Variants in DLG1 observed in about 807,000 individuals in gnomAD.
The protein encoded by DLG1 is discs large MAGUK scaffold protein 1.
A neutral mutation model predicts 123.4 loss-of-function variants in DLG1; 42 were observed. The ratio of observed to expected loss-of-function variants is 0.34; its 90% confidence interval spans 0.27 to 0.44. DLG1 has a LOEUF of 0.44. DLG1 is among the 20% of genes least tolerant of loss of function. The pLI is 1.00. For missense variants in DLG1, 942 were observed against 1,082.6 expected (o/e 0.87, Z 1.82); for synonymous variants, 317 against 356.2 (o/e 0.89, Z 1.24).
At chr3:197,108,104 TA>T (rs1767643820) in intron 13 of DLG1, among the ~76,000 whole-genome samples, 1 of 152,234 alleles carries the variant, frequency 6.6e-6, no homozygotes, top group Non-Finnish European at 1.5e-5. Flanking sequence ...GATGGTGTCT[TA>T]CTTTGATTGG....
intron 4 of DLG1, among the ~76,000 whole-genome samples, chr3:197,268,119 G>C (rs546199058): frequency 6.6e-6 from 1 of 152,120 alleles, no homozygotes; most frequent in Non-Finnish European, 1.5e-5. Flanking sequence ...AGGTGAGGAG[G>C]TTTAGGAGCA....
At chr3:197,115,029 AGCAAG>A (rs1204281481) in intron 13 of DLG1, among the ~76,000 whole-genome samples, 1 of 151,360 alleles carries the variant, frequency 6.6e-6, no homozygotes, top group Non-Finnish European at 1.5e-5. Context: ...TTCTATGAAG[AGCAAG>A]ACAGTCCTAT....
intron 13 of DLG1, among the ~76,000 whole-genome samples, chr3:197,105,714 T>C (rs540347884): frequency 3.3e-5 from 5 of 152,150 alleles, no homozygotes; most frequent in Non-Finnish European, 7.4e-5. Context: ...TATATACATA[T>C]ATAGTGCAAG....
chr3:197,153,575 C>T (rs1794973371), intron 5 of DLG1, among the ~76,000 whole-genome samples: 1 of 152,178 alleles, frequency 6.6e-6, no homozygotes, highest in African/African-American at 2.4e-5. Flanking sequence ...GCTGTTCCAC[C>T]TCCTCCTCAT....
chr3:197,061,147 A>G (rs1396496151), intron 22 of DLG1, among the ~76,000 whole-genome samples: 1 of 152,250 alleles, frequency 6.6e-6, no homozygotes, highest in Non-Finnish European at 1.5e-5. Flanking sequence ...CCAAGTCAAT[A>G]CATGATAATT....
At chr3:197,287,037 T>TA (rs1579395410) in intron 3 of DLG1, among the ~76,000 whole-genome samples, 1 of 151,914 alleles carries the variant, frequency 6.6e-6, no homozygotes, top group Non-Finnish European at 1.5e-5. Context: ...CATGCCTGGT[T>TA]AAATTTTTTT....
intron 3 of DLG1, among the ~76,000 whole-genome samples, chr3:197,288,059 A>T (rs1018298426): frequency 6.6e-6 from 1 of 152,088 alleles, no homozygotes; most frequent in Non-Finnish European, 1.5e-5. Context: ...GGAAACCATT[A>T]AAAAAACTAC....
At chr3:197,148,255 A>AAAAAAAAAAAAAC (rs1561041758) in intron 6 of DLG1, among the ~76,000 whole-genome samples, 1 of 143,760 alleles carries the variant, frequency 7.0e-6, no homozygotes, top group African/African-American at 2.6e-5. Context: ...CAAAAAAAAA[A>AAAAAAAAAAAAAC]AAAAAATAGC....
At position 197,150,814 on chromosome 3, in the gene DLG1, A is replaced by G. The variant is rs879286989; in HGVS notation, c.484-1018T>C. On this transcript the variant is annotated intron_variant, in intron 5 of 24. Coordinates refer to ENST00000667157, the MANE Select transcript of DLG1 (RefSeq NM_001366207.1). ...ATTTTCAGCACAGTACCACAGCTAA[A>G]TGATATGACAAAATGCTTAAAGACA... Among the ~76,000 whole-genome samples, 3 of 152,108 alleles carry G rather than the reference A, an allele frequency of 2.0e-5. 1 individual carries two copies. The highest frequency in any genetic ancestry group is 2.0e-4 in the Admixed American group (3 of 15,272).
In DLG1 at chr3:197,143,284, G is replaced by A. The variant is rs141464244; in HGVS notation, c.538-516C>T. On this transcript the variant is annotated intron_variant, in intron 6 of 24. Transcript: ENST00000667157. ...TTTTGTTTTTTTGAGATGGAGTCTC[G>A]CTCTGTTGCCCAGGCTGGAGTGCAG... Among the ~76,000 whole-genome samples, 754 of 134,802 alleles carry A rather than the reference G, an allele frequency of 5.6e-3. 4 individuals are homozygous for A. The highest frequency in any genetic ancestry group is 0.021 in the African/African-American group (730 of 35,506). 88.4% of individuals were successfully genotyped at this position (134,802 alleles called of 152,430 possible). A position where few individuals can be genotyped will look rare whatever the true frequency, so the allele number is the denominator to read the frequency against.
At chr3:197,275,511 C>T (rs529883719) in intron 4 of DLG1, among the ~76,000 whole-genome samples, 2 of 152,120 alleles carry the variant, frequency 1.3e-5, no homozygotes, top group African/African-American at 4.8e-5. Flanking sequence ...CCTCAACAGA[C>T]GAATAGATAA....
intron 4 of DLG1, among the ~76,000 whole-genome samples, chr3:197,217,593 TACTC>T (rs1734760764): frequency 1.3e-5 from 2 of 152,250 alleles, no homozygotes; most frequent in Middle Eastern, 3.4e-3. Flanking sequence ...AATGGAATAA[TACTC>T]AACAATTAAA....
chr3:197,182,634 A>G (rs1712988954), intron 5 of DLG1, among the ~76,000 whole-genome samples: 1 of 152,176 alleles, frequency 6.6e-6, no homozygotes, highest in African/African-American at 2.4e-5. Flanking sequence ...GGTCCTAAGG[A>G]ATGTGTATGT....
chr3:197,291,593 T>A (rs452743), intron 3 of DLG1, among the ~76,000 whole-genome samples: 19,723 of 152,274 alleles, frequency 0.13, 1,719 homozygotes, highest in South Asian at 0.34. Context: ...TGTCATTTAG[T>A]ATTCTTTATC....
chr3:197,044,543 A>C lies in DLG1; in HGVS notation c.*80T>G, dbSNP rs1193911317. 4.3e-6 allele frequency: 4 copies of C among 923,708 alleles called. No individual in the cohort carries two copies. In the African/African-American group the frequency reaches 6.6e-5, roughly 15 times the overall value. 57.2% of individuals were successfully genotyped at this position (923,708 alleles called of 1,614,324 possible). On this transcript the variant is annotated 3_prime_UTR_variant, in exon 25 of 25. Coordinates refer to ENST00000667157, the MANE Select transcript of DLG1 (RefSeq NM_001366207.1). Reference sequence around the variant, plus strand: ...CAATTCAACATGAAATCAGTACTCAAGAAAGACTCCAGAGGAAAGGGCAAA... The same window carrying C: ...CAATTCAACATGAAATCAGTACTCACGAAAGACTCCAGAGGAAAGGGCAAA...
At chr3:197,134,472 C>CA (rs11319273) in intron 10 of DLG1, among the ~76,000 whole-genome samples, 2,456 of 96,442 alleles carry the variant, frequency 0.025, 59 homozygotes, top group African/African-American at 0.064. Flanking sequence ...TTCATAATAC[C>CA]AAAAAAAAAA....
At chr3:197,293,325 C>T (rs928130970) in intron 3 of DLG1, among the ~76,000 whole-genome samples, 1 of 152,154 alleles carries the variant, frequency 6.6e-6, no homozygotes, top group African/African-American at 2.4e-5. Flanking sequence ...AACTTTTCTG[C>T]TTTCAATAAT....
chr3:197,296,858 T>G (rs986507655), intron 2 of DLG1: 5 of 350,798 alleles, frequency 1.4e-5, no homozygotes, highest in Non-Finnish European at 2.0e-5. Context: ...AAATACAAAT[T>G]CTTAGTATCC....
At chr3:197,141,873 A>G (rs1788217624) in intron 7 of DLG1, among the ~76,000 whole-genome samples, 2 of 152,024 alleles carry the variant, frequency 1.3e-5, no homozygotes, top group African/African-American at 4.8e-5. Flanking sequence ...CACCTGGCTA[A>G]TTTTTGTATT....
Sources: gnomAD v4.1 joint callset for allele counts (sites outside exome capture counted in the v4.1 genomes callset) on GRCh38, gnomAD v4.1.1 for gene constraint, MANE v1.5 for transcripts, NCBI Gene and HGNC (gene_info 2026-07-23, HGNC 2026-07-21) for gene names.